IREB2: variants seen among roughly 807,000 people sequenced by gnomAD.
IREB2 encodes iron responsive element binding protein 2.
In IREB2, 39 loss-of-function variants were observed where a neutral mutation model predicts 118.8. That is an observed-to-expected ratio of 0.33 (90% CI 0.25 to 0.43). The LOEUF is 0.43. Ranked by LOEUF, IREB2 falls within the 20% of genes least tolerant of loss-of-function variation. The pLI is 1.00. For synonymous variants in IREB2, 372 were observed against 392.2 expected (o/e 0.95, Z 0.61); for missense variants, 900 against 1,147.3 (o/e 0.78, Z 3.11).
intron 13 of IREB2, 30 bp from the exon 14 acceptor site, chr15:78,487,702 GC>G: frequency 8.7e-7 from 1 of 1,144,026 alleles, no homozygotes; most frequent in Non-Finnish European, 1.3e-6. Flanking sequence ...GTTGTGATGT[GC>G]TATTCAGTCA....
intron 10 of IREB2, among the ~76,000 whole-genome samples, chr15:78,480,999 ACTCTGT>A (rs1297357068): frequency 6.6e-6 from 1 of 151,040 alleles, no homozygotes; most frequent in African/African-American, 2.4e-5. Flanking sequence ...ACAGAGCGAG[ACTCTGT>A]CTCAAAAAAA....
chr15:78,480,252 C>A (rs2051543365), intron 10 of IREB2: 1 of 152,198 alleles, frequency 6.6e-6, no homozygotes, highest in Admixed American at 6.5e-5. Context: ...ATTTTCCAAT[C>A]ATTTTCACCT....
intron 2 of IREB2, among the ~76,000 whole-genome samples, chr15:78,453,912 A>G (rs1280260699): frequency 6.6e-6 from 1 of 152,234 alleles, no homozygotes. Flanking sequence ...CATTAGTGCC[A>G]GTTTCTCTGC....
At position 78,483,419 on chromosome 15, in the gene IREB2, T is replaced by C; in HGVS notation, c.1398T>C (p.Ala466=). The stretch of plus-strand genomic sequence containing the variant: ...CAGATATGAAAAGCGATTTCCAGGC[T>C]TGCTTAAATGAAAAGGTAGGTTACT... ...AVTDMKSDFQ[A]CLNEKVGFKG... The change falls in exon 11 of 22, where the codon GCT becomes GCC. Residue 466 remains alanine, a synonymous_variant. Transcript: ENST00000258886. 1 of 1,587,488 alleles carries C rather than the reference T, an allele frequency of 6.3e-7. No homozygotes were observed. Among genetic ancestry groups the C allele is most frequent in the Non-Finnish European group, 8.7e-7 (1 of 1,155,750 alleles).
At chr15:78,439,940 G>A in intron 2 of IREB2, 59 bp downstream of exon 2, 1 of 1,033,080 alleles carries the variant, frequency 9.7e-7, no homozygotes, top group Non-Finnish European at 1.5e-6. Flanking sequence ...AAATGCATTT[G>A]TCAAGCTGAG....
intron 13 of IREB2, among the ~76,000 whole-genome samples, chr15:78,486,779 C>T (rs1212101140): frequency 1.3e-5 from 2 of 152,122 alleles, no homozygotes; most frequent in Non-Finnish European, 2.9e-5. Context: ...AATCAGTCTT[C>T]CTACCTCAGC....
At position 78,493,901 on chromosome 15, in the gene IREB2, TC is replaced by T. The variant is rs1246197955; in HGVS notation, c.2325-7del. 1 of 1,604,348 alleles carries T rather than the reference TC, an allele frequency of 6.2e-7. No individual in the cohort carries two copies. Among genetic ancestry groups the T allele is most frequent in the South Asian group, 1.1e-5 (1 of 89,436 alleles). On this transcript the variant is annotated splice_polypyrimidine_tract_variant and splice_region_variant and intron_variant, in intron 18 of 21. Transcript: ENST00000258886. ...TAATGAAAACTGACTTTCATTACTTTCTTGTAGCCTTACCCCTCGTGAATTC... is the reference window on the plus strand; with the variant it reads ...TAATGAAAACTGACTTTCATTACTTTTTGTAGCCTTACCCCTCGTGAATTC...
intron 13 of IREB2, among the ~76,000 whole-genome samples, chr15:78,486,782 A>G (rs949200354): frequency 3.3e-5 from 5 of 151,948 alleles, no homozygotes; most frequent in Admixed American, 6.6e-5. Flanking sequence ...CAGTCTTCCT[A>G]CCTCAGCCTC....
chr15:78,488,999 C>T (rs1178127313), intron 16 of IREB2, among the ~76,000 whole-genome samples: 4 of 152,270 alleles, frequency 2.6e-5, no homozygotes, highest in East Asian at 1.9e-4. Context: ...GCAGGTTGAT[C>T]ACGTGAGGTC....
At chr15:78,472,539 G>A (rs1261858867) in intron 7 of IREB2, among the ~76,000 whole-genome samples, 1 of 151,976 alleles carries the variant, frequency 6.6e-6, no homozygotes, top group East Asian at 1.9e-4. Flanking sequence ...GCTAATTTTT[G>A]TATTTTTAGT....
At chr15:78,439,376 C>T (rs1264624340) in intron 1 of IREB2, among the ~76,000 whole-genome samples, 1 of 151,660 alleles carries the variant, frequency 6.6e-6, no homozygotes, top group African/African-American at 2.4e-5. Flanking sequence ...TTCACAAATT[C>T]CTGTCTCTGC....
intron 16 of IREB2, 94 bp downstream of exon 16, chr15:78,488,865 A>G (rs1195290663): frequency 1.4e-6 from 1 of 708,472 alleles, no homozygotes; most frequent in African/African-American, 1.9e-5. Context: ...TTAAAATTAC[A>G]TTATTTTGAA....
intron 2 of IREB2, among the ~76,000 whole-genome samples, chr15:78,460,529 T>C (rs918485179): frequency 6.6e-6 from 1 of 152,214 alleles, no homozygotes; most frequent in Non-Finnish European, 1.5e-5. Context: ...CATTAGTCTT[T>C]GATAACTTCT....
chr15:78,491,532 C>G (rs1244771880), intron 18 of IREB2, among the ~76,000 whole-genome samples: 2 of 152,182 alleles, frequency 1.3e-5, no homozygotes, highest in Non-Finnish European at 2.9e-5. Context: ...CAGACTCACT[C>G]TGTCACCCAG....
At chr15:78,450,121 A>G (rs1480971244) in intron 2 of IREB2, among the ~76,000 whole-genome samples, 4 of 152,236 alleles carry the variant, frequency 2.6e-5, no homozygotes, top group Non-Finnish European at 5.9e-5. Context: ...GAGTACTTGT[A>G]TATTTCTAGC....
At position 78,498,263 on chromosome 15, in the gene IREB2, G is replaced by A. The variant is rs2051874741; in HGVS notation, c.*120G>A. 1.8e-6 allele frequency: 1 copy of A among 556,542 alleles called. No homozygotes were observed. The highest frequency in any genetic ancestry group is 2.5e-5 in the South Asian group (1 of 39,406). The allele number at this position is 556,542 out of a possible 1,614,324, so 34.5% of individuals were successfully genotyped here. On this transcript the variant is annotated 3_prime_UTR_variant, in exon 22 of 22. Coordinates refer to ENST00000258886, the MANE Select transcript of IREB2 (RefSeq NM_004136.4). ...AGTATACTCACTTATCTCATCCATG[G>A]ATGTAAATGATGATGAATCAACATA...
intron 1 of IREB2, among the ~76,000 whole-genome samples, chr15:78,439,085 C>G (rs1029442565): frequency 6.6e-6 from 1 of 152,182 alleles, no homozygotes; most frequent in Non-Finnish European, 1.5e-5. Flanking sequence ...GCTGCCTCCC[C>G]GCCACTGCCC....
chr15:78,471,570 A>G (rs1804505933), intron 6 of IREB2, among the ~76,000 whole-genome samples, 171 bp from the exon 7 acceptor site: 1 of 152,230 alleles, frequency 6.6e-6, no homozygotes, highest in South Asian at 2.1e-4. Flanking sequence ...CTTAATAAAA[A>G]ATACATTTAG....
intron 2 of IREB2, among the ~76,000 whole-genome samples, chr15:78,449,683 C>A (rs897557731): frequency 6.6e-6 from 1 of 152,138 alleles, no homozygotes; most frequent in Admixed American, 6.5e-5. Flanking sequence ...CTGAGAGATA[C>A]ACTGTGTTTT....
Sources: allele counts gnomAD v4.1 joint callset (sites outside exome capture counted in the v4.1 genomes callset), GRCh38; gene constraint gnomAD v4.1.1; transcripts MANE v1.5; gene names NCBI Gene and HGNC (gene_info 2026-07-23, HGNC 2026-07-21).